Variants in PRKAR2A observed in about 807,000 individuals in gnomAD.
PRKAR2A encodes protein kinase cAMP-dependent type II regulatory subunit alpha, also known as cAMP-dependent protein kinase type II-alpha regulatory subunit.
Under a neutral mutation model 51.9 loss-of-function variants are expected in PRKAR2A, and 29 were observed. The observed-to-expected ratio is 0.56, with a 90% CI of 0.42 to 0.76. The LOEUF (loss-of-function observed/expected upper bound fraction) is 0.76, where lower values mean the gene tolerates loss of function less well. Ranked by LOEUF, PRKAR2A falls within the 30% of genes least tolerant of loss-of-function variation. The pLI is 0.00. For missense variants in PRKAR2A, 445 were observed against 512.1 expected (o/e 0.87, Z 1.26); for synonymous variants, 178 against 186.2 (o/e 0.96, Z 0.36).
chr3:48,839,196 G>A (rs2083337353), intron 1 of PRKAR2A, among the ~76,000 whole-genome samples: 1 of 151,868 alleles, frequency 6.6e-6, no homozygotes, highest in Non-Finnish European at 1.5e-5. Flanking sequence ...GCTGGGGCAG[G>A]AGAATTGCTT....
chr3:48,803,419 A>ATTTATTTG (rs1016940533), intron 2 of PRKAR2A, among the ~76,000 whole-genome samples: 1 of 151,916 alleles, frequency 6.6e-6, no homozygotes, highest in African/African-American at 2.4e-5. Flanking sequence ...TGTCTTTCTT[A>ATTTATTTG]TTTATTTGTT....
chr3:48,826,800 A>T (rs925200626), intron 1 of PRKAR2A, among the ~76,000 whole-genome samples: 1 of 152,152 alleles, frequency 6.6e-6, no homozygotes, highest in Admixed American at 6.5e-5. Context: ...AACCCCAGGA[A>T]AAAGGCTAGT....
intron 6 of PRKAR2A, among the ~76,000 whole-genome samples, chr3:48,768,958 G>A (rs1327655976): frequency 2.0e-5 from 3 of 151,178 alleles, no homozygotes; most frequent in African/African-American, 7.3e-5. Context: ...AAATTAGCCA[G>A]TACTGTTGGC....
rs144450943 is a variant in PRKAR2A at position 48,838,395 on chromosome 3, T to C, written c.262+8940A>G. 7.3e-5 allele frequency among the ~76,000 whole-genome samples: 11 copies of C among 150,380 alleles called. No individual in the cohort carries two copies. The East Asian group carries it at 2.2e-3, about 30-fold the overall frequency. ...GCCGTGGTGGACAGATCACCTGAGGTTGGGAGTTCGAGACCAGCCTGGCCA... is the reference window on the plus strand; with the variant it reads ...GCCGTGGTGGACAGATCACCTGAGGCTGGGAGTTCGAGACCAGCCTGGCCA... On this transcript the variant is annotated intron_variant, in intron 1 of 10. Coordinates refer to ENST00000265563, the MANE Select transcript of PRKAR2A (RefSeq NM_004157.4).
intron 1 of PRKAR2A, among the ~76,000 whole-genome samples, chr3:48,823,857 T>C (rs1299174863): frequency 1.3e-5 from 2 of 150,844 alleles, no homozygotes; most frequent in Non-Finnish European, 2.9e-5. Context: ...ACTAGGACCG[T>C]AGCAAAAGGA....
Position 48,747,180 on chromosome 3 carries a change from AAG to A in PRKAR2A, c.*4403_*4404del, listed in dbSNP as rs1422289110. ...CGTCAGCAGTCAAGACAGGAGGAAC[AAG>A]AGGTCATTGTAGTGAAAAACCAAAA... On this transcript the variant is annotated 3_prime_UTR_variant, in exon 11 of 11. Coordinates refer to ENST00000265563, the MANE Select transcript of PRKAR2A (RefSeq NM_004157.4). 3.9e-5 allele frequency: 6 copies of A among 152,200 alleles called. No individual in the cohort carries two copies. Among genetic ancestry groups the A allele is most frequent in the Non-Finnish European group, 1.5e-5 (1 of 68,002 alleles). 9.4% of individuals were successfully genotyped at this position (152,200 alleles called of 1,614,324 possible).
At chr3:48,779,819 AT>A (rs1410938179) in intron 5 of PRKAR2A, among the ~76,000 whole-genome samples, 36 of 148,778 alleles carry the variant, frequency 2.4e-4, no homozygotes, top group Middle Eastern at 3.5e-3. Flanking sequence ...AAATAAATAA[AT>A]AAATAAATAA....
intron 8 of PRKAR2A, among the ~76,000 whole-genome samples, chr3:48,757,575 T>C (rs992236508): frequency 6.6e-6 from 1 of 152,244 alleles, no homozygotes; most frequent in African/African-American, 2.4e-5. Flanking sequence ...TGCAAGAAAT[T>C]AGGCTGGTAG....
At chr3:48,820,970 G>C (rs2082950296) in intron 1 of PRKAR2A, among the ~76,000 whole-genome samples, 1 of 152,144 alleles carries the variant, frequency 6.6e-6, no homozygotes, top group Non-Finnish European at 1.5e-5. Flanking sequence ...AAACTTCACA[G>C]TTCCTGTTAC....
intron 1 of PRKAR2A, among the ~76,000 whole-genome samples, chr3:48,846,411 T>C (rs1338083196): frequency 6.6e-6 from 1 of 151,632 alleles, no homozygotes; most frequent in African/African-American, 2.4e-5. Context: ...GAGACGGGGT[T>C]TCGCCATGTT....
chr3:48,755,978 C>T (rs1353898343), intron 9 of PRKAR2A, among the ~76,000 whole-genome samples: 1 of 152,004 alleles, frequency 6.6e-6, no homozygotes, highest in Non-Finnish European at 1.5e-5. Flanking sequence ...GACAGGGTTT[C>T]ACCGTGTTAG....
At chr3:48,794,532 TA>T (rs1432611444) in intron 2 of PRKAR2A, among the ~76,000 whole-genome samples, 1 of 151,700 alleles carries the variant, frequency 6.6e-6, no homozygotes, top group African/African-American at 2.4e-5. Flanking sequence ...CCATCTCTAC[TA>T]AAAATACAAA....
chr3:48,819,507 G>C (rs2082927289), intron 1 of PRKAR2A, among the ~76,000 whole-genome samples: 1 of 152,156 alleles, frequency 6.6e-6, no homozygotes, highest in African/African-American at 2.4e-5. Context: ...GCCAGAATCT[G>C]AGTCATCTAA....
intron 5 of PRKAR2A, among the ~76,000 whole-genome samples, chr3:48,782,412 T>C (rs778353986): frequency 6.6e-6 from 1 of 152,136 alleles, no homozygotes; most frequent in Non-Finnish European, 1.5e-5. Flanking sequence ...CACCCTGCAC[T>C]CCTTACTAAC....
At chr3:48,802,148 AT>A (rs1455598879) in intron 2 of PRKAR2A, among the ~76,000 whole-genome samples, 1 of 152,196 alleles carries the variant, frequency 6.6e-6, no homozygotes, top group East Asian at 1.9e-4. Context: ...ACCTCAGGTG[AT>A]CCACTGTCTC....
At chr3:48,758,581 A>C (rs1233941142) in intron 8 of PRKAR2A, among the ~76,000 whole-genome samples, 49 of 131,094 alleles carry the variant, frequency 3.7e-4, no homozygotes, top group African/African-American at 1.3e-3. Flanking sequence ...AGACTGTCTC[A>C]AAAAAAAAAA....
At chr3:48,820,005 G>A (rs1480514881) in intron 1 of PRKAR2A, among the ~76,000 whole-genome samples, 1 of 152,164 alleles carries the variant, frequency 6.6e-6, no homozygotes, top group East Asian at 1.9e-4. Flanking sequence ...TAGGGTGCAT[G>A]ATCCAAGCCA....
At position 48,810,744 on chromosome 3, in the gene PRKAR2A, C is replaced by T. The variant is rs769056061; in HGVS notation, c.263-3060G>A. On this transcript the variant is annotated intron_variant, in intron 1 of 10. Transcript: ENST00000265563. ...ATGTACATACATGTGTATATGCAAACGCCATAATCATTATATTATCATATA... is the reference window on the plus strand; with the variant it reads ...ATGTACATACATGTGTATATGCAAATGCCATAATCATTATATTATCATATA... Among the ~76,000 whole-genome samples, 84 of 151,736 alleles carry T rather than the reference C, an allele frequency of 5.5e-4. 1 individual carries two copies. Among genetic ancestry groups the T allele is most frequent in the Middle Eastern group, 3.4e-3 (1 of 292 alleles).
intron 2 of PRKAR2A, among the ~76,000 whole-genome samples, chr3:48,807,298 G>A (rs990091538): frequency 6.6e-6 from 1 of 151,982 alleles, no homozygotes; most frequent in Non-Finnish European, 1.5e-5. Context: ...CCAAAACTGA[G>A]GAAATAATTC....
Sources: allele counts gnomAD v4.1 joint callset (sites outside exome capture counted in the v4.1 genomes callset), GRCh38; gene constraint gnomAD v4.1.1; transcripts MANE v1.5; gene names NCBI Gene and HGNC (gene_info 2026-07-23, HGNC 2026-07-21).